Variants in FOXP1 observed in about 807,000 individuals in gnomAD.
FOXP1 encodes the protein forkhead box protein P1.
FOXP1 carries 15 observed loss-of-function variants against 98.2 expected under a neutral mutation model. The ratio of observed to expected loss-of-function variants is 0.15; its 90% CI spans 0.10 to 0.24. The LOEUF (loss-of-function observed/expected upper bound fraction) is 0.24. Among genes scored for constraint, FOXP1 ranks in the 10% least tolerant of loss-of-function variants. The pLI, the probability that FOXP1 is intolerant of heterozygous loss-of-function variation, is 1.00. For missense variants in FOXP1, 633 were observed against 848.5 expected (o/e 0.75, Z 3.15); for synonymous variants, 371 against 314.5 (o/e 1.18, Z -1.90).
intron 5 of FOXP1, among the ~76,000 whole-genome samples, chr3:71,297,889 G>A (rs975504018): frequency 6.6e-6 from 1 of 152,062 alleles, no homozygotes; most frequent in African/African-American, 2.4e-5. Context: ...TTACAGACAT[G>A]AGCCACCATG....
intron 6 of FOXP1, among the ~76,000 whole-genome samples, chr3:71,190,639 A>AC (rs1491496602): frequency 1.4e-5 from 1 of 70,598 alleles, no homozygotes; most frequent in African/African-American, 1.1e-4. Context: ...CCCCATCTCC[A>AC]AAAAAAAAAA....
At chr3:71,558,674 T>C (rs1170208543) in intron 2 of FOXP1, among the ~76,000 whole-genome samples, 1 of 151,734 alleles carries the variant, frequency 6.6e-6, no homozygotes, top group East Asian at 1.9e-4. Context: ...TTTGTATTTT[T>C]AGTAGAGACG....
intron 11 of FOXP1, among the ~76,000 whole-genome samples, chr3:71,027,266 C>G (rs549209995): frequency 6.6e-6 from 1 of 152,126 alleles, no homozygotes; most frequent in Admixed American, 6.5e-5. Context: ...CGACCGTAAA[C>G]AAAGTTCCAA....
chr3:71,136,818 A>AC (rs1372379538), intron 6 of FOXP1, among the ~76,000 whole-genome samples: 1 of 27,058 alleles, frequency 3.7e-5, no homozygotes, highest in Non-Finnish European at 2.3e-4. Flanking sequence ...GAGAAATACA[A>AC]CAAAAAAAAA....
chr3:70,985,846 G>GT (rs963890620), intron 14 of FOXP1, among the ~76,000 whole-genome samples: 1 of 152,156 alleles, frequency 6.6e-6, no homozygotes, highest in Non-Finnish European at 1.5e-5. Flanking sequence ...AGCTGTCAAA[G>GT]GTTTGACTTG....
At chr3:71,296,320 T>G (rs1291287902) in intron 5 of FOXP1, 1 of 152,232 alleles carries the variant, frequency 6.6e-6, no homozygotes, top group Admixed American at 6.5e-5. Flanking sequence ...GATTTTTTTG[T>G]CCATTGCTGG....
chr3:71,502,821 T>C (rs1176910078), intron 2 of FOXP1, among the ~76,000 whole-genome samples: 1 of 152,078 alleles, frequency 6.6e-6, no homozygotes. Context: ...ATATTTTCCA[T>C]GAAAAATTAA....
chr3:71,182,496 A>ATGTGTGTG (rs1386870282), intron 6 of FOXP1, among the ~76,000 whole-genome samples: 233 of 140,760 alleles, frequency 1.7e-3, no homozygotes, highest in African/African-American at 6.0e-3. Flanking sequence ...AGTGTAAACT[A>ATGTGTGTG]TATATATGTG....
intron 4 of FOXP1, among the ~76,000 whole-genome samples, chr3:71,356,213 C>CAAAAA (rs3064928): frequency 1.3e-5 from 1 of 75,344 alleles, no homozygotes; most frequent in Non-Finnish European, 2.8e-5. Flanking sequence ...CTGACTAAGT[C>CAAAAA]AAAAAAAAAA....
chr3:71,289,050 T>A (rs375464948), intron 5 of FOXP1, among the ~76,000 whole-genome samples: 6 of 91,936 alleles, frequency 6.5e-5, no homozygotes, highest in Non-Finnish European at 1.7e-4. Flanking sequence ...TTATTTATTT[T>A]TTGAGATGGA....
chr3:71,505,393 A>C (rs892731219), intron 2 of FOXP1, among the ~76,000 whole-genome samples: 2 of 142,486 alleles, frequency 1.4e-5, no homozygotes, highest in East Asian at 4.3e-4. Flanking sequence ...CAGTCCTCCT[A>C]TTGGACTGTA....
intron 4 of FOXP1, among the ~76,000 whole-genome samples, chr3:71,321,583 A>G (rs1175770738): frequency 6.6e-6 from 1 of 152,108 alleles, no homozygotes; most frequent in Non-Finnish European, 1.5e-5. Flanking sequence ...ATGTAATTAA[A>G]GTAACTGGCA....
intron 3 of FOXP1, among the ~76,000 whole-genome samples, chr3:71,490,957 G>C (rs1397597288): frequency 6.6e-6 from 1 of 152,204 alleles, no homozygotes; most frequent in Non-Finnish European, 1.5e-5. Flanking sequence ...ATGTGTATAT[G>C]AAACAGACCG....
intron 5 of FOXP1, among the ~76,000 whole-genome samples, chr3:71,198,599 A>C (rs921432286): frequency 2.0e-5 from 3 of 152,158 alleles, no homozygotes; most frequent in Non-Finnish European, 4.4e-5. Flanking sequence ...TTCCCAATTC[A>C]AGTTTCAGTA....
chr3:71,543,473 T>TC, intron 2 of FOXP1: 1 of 152,462 alleles, frequency 6.6e-6, no homozygotes, highest in African/African-American at 2.4e-5. Context: ...CTCTGTGTCC[T>TC]CCAAGTGTCA....
intron 3 of FOXP1, among the ~76,000 whole-genome samples, chr3:71,449,029 G>A (rs1467429874): frequency 6.6e-6 from 1 of 152,140 alleles, no homozygotes; most frequent in African/African-American, 2.4e-5. Flanking sequence ...ACTGGTTTTT[G>A]GTTCAGAAAC....
chr3:71,067,668 A>T (rs1438222636), intron 7 of FOXP1, among the ~76,000 whole-genome samples: 1 of 151,022 alleles, frequency 6.6e-6, no homozygotes. Flanking sequence ...AGGCCAAGGC[A>T]GGAAGACTGC....
At chr3:70,966,752 C>CAAAGT (rs1360155319) in intron 19 of FOXP1, among the ~76,000 whole-genome samples, 1 of 152,002 alleles carries the variant, frequency 6.6e-6, no homozygotes, top group Non-Finnish European at 1.5e-5. Context: ...TTTTTGGTGC[C>CAAAGT]AAAGTACATC....
intron 6 of FOXP1, among the ~76,000 whole-genome samples, chr3:71,129,991 C>G (rs1189453085): frequency 6.6e-6 from 1 of 152,198 alleles, no homozygotes; most frequent in Non-Finnish European, 1.5e-5. Flanking sequence ...TTTCAGCAGT[C>G]TGACTTTTAT....
Sources: gnomAD v4.1 joint callset for allele counts (sites outside exome capture counted in the v4.1 genomes callset) on GRCh38, gnomAD v4.1.1 for gene constraint, MANE v1.5 for transcripts, NCBI Gene and HGNC (gene_info 2026-07-23, HGNC 2026-07-21) for gene names.